COL18A1: variants seen among roughly 807,000 people sequenced by gnomAD.
COL18A1 encodes collagen alpha-1(XVIII) chain.
In COL18A1, 133 loss-of-function variants were observed where a neutral mutation model predicts 168.0. The observed-to-expected ratio is 0.79, with a 90% CI of 0.69 to 0.91. The LOEUF is 0.91. Ranked by LOEUF, COL18A1 falls within the 40% of genes least tolerant of loss-of-function variation. COL18A1 has a pLI of 0.00. For missense variants in COL18A1, 2,126 were observed against 1,925.4 expected (o/e 1.10, Z -1.95); for synonymous variants, 949 against 809.0 (o/e 1.17, Z -2.94).
At chr21:45,430,861 A>G (rs1324926769) in intron 2 of COL18A1, among the ~76,000 whole-genome samples, 1 of 152,202 alleles carries the variant, frequency 6.6e-6, no homozygotes, top group African/African-American at 2.4e-5. Flanking sequence ...TGGTCACCCC[A>G]TGAGGCAGGG....
At position 45,478,344 on chromosome 21, in the gene COL18A1, C is replaced by G; in HGVS notation, c.1239C>G (p.Asp413Glu). 6.2e-7 allele frequency: 1 copy of G among 1,614,152 alleles called. No homozygotes were observed. The change falls in exon 9 of 42, where the codon GAC becomes GAG. Residue 413 changes from aspartate to glutamate, a missense_variant. Coordinates refer to ENST00000651438, the MANE Select transcript of COL18A1 (RefSeq NM_001379500.1). ...ACACCCAGGGCGACCCCGGTGAAGACGGAAAGCCGGTGAGTCTGCTTTTCT... is the reference window on the plus strand; with the variant it reads ...ACACCCAGGGCGACCCCGGTGAAGAGGGAAAGCCGGTGAGTCTGCTTTTCT... ...RDGEPGDPGEDGKPGDTGPQG... is the reference protein window; with the variant it reads ...RDGEPGDPGEEGKPGDTGPQG...
chr21:45,453,645 G>A (rs1268628640), intron 2 of COL18A1, among the ~76,000 whole-genome samples: 8 of 152,276 alleles, frequency 5.3e-5, no homozygotes, highest in East Asian at 1.9e-4. Flanking sequence ...ACTTAGAGGT[G>A]GAGGAGTCCT....
At chr21:45,511,070 C>T in intron 40 of COL18A1, 41 bp from the exon 41 acceptor site, 2 of 928,122 alleles carry the variant, frequency 2.2e-6, no homozygotes, top group Middle Eastern at 4.3e-4. Flanking sequence ...CCATCCACAC[C>T]CCCACACACC....
At chr21:45,449,658 T>C (rs2034579204) in intron 2 of COL18A1, among the ~76,000 whole-genome samples, 1 of 152,148 alleles carries the variant, frequency 6.6e-6, no homozygotes, top group African/African-American at 2.4e-5. Context: ...CTCCCTCTGC[T>C]ACCGTAGGTC....
In COL18A1 at chr21:45,405,238, C is replaced by T; in HGVS notation, c.8C>T (p.Pro3Leu). 9.2e-6 allele frequency: 1 copy of T among 108,484 alleles called. No homozygotes were observed. The highest frequency in any genetic ancestry group is 1.4e-5 in the Non-Finnish European group (1 of 69,028). 6.7% of individuals were successfully genotyped at this position (108,484 alleles called of 1,614,324 possible). A position where few individuals can be genotyped will look rare whatever the true frequency, so the allele number is the denominator to read the frequency against. ...GACGGTCCTGGGGAGAGCATGGCGC[C>T]GAGGTGAGGCCGGGGCTGCGGGCAG... MA[P>L]RCPWPWPRRR... Residue 3 changes from proline (P) to leucine (L), a missense_variant, in exon 1 of 42, where the codon CCG becomes CTG. Pro to Leu is a moderately conservative substitution (Grantham distance 98). Coordinates refer to ENST00000651438, the MANE Select transcript of COL18A1 (RefSeq NM_001379500.1).
chr21:45,475,832 GC>G (rs1204524176), intron 5 of COL18A1, among the ~76,000 whole-genome samples: 1 of 152,232 alleles, frequency 6.6e-6, no homozygotes, highest in Non-Finnish European at 1.5e-5. Context: ...CCTTCCCTTC[GC>G]CCCATCCCTC....
chr21:45,505,301 C>A, intron 35 of COL18A1, 23 bp downstream of exon 35: 1 of 1,605,386 alleles, frequency 6.2e-7, no homozygotes, highest in Non-Finnish European at 8.5e-7. Flanking sequence ...GGAGTGGGCC[C>A]CGGGCAGAGG....
intron 6 of COL18A1, among the ~76,000 whole-genome samples, chr21:45,476,920 T>TG (rs1568903164): frequency 1.3e-4 from 17 of 129,544 alleles, no homozygotes; most frequent in African/African-American, 4.2e-4. Context: ...TATTATGTGT[T>TG]TTGTGTGTGT....
At chr21:45,500,177 T>G (rs2036696202) in intron 32 of COL18A1, among the ~76,000 whole-genome samples, 1 of 51,546 alleles carries the variant, frequency 1.9e-5, no homozygotes, top group African/African-American at 1.0e-4. Context: ...TGTGGGGGTG[T>G]ATAGTGTGGG....
chr21:45,446,900 C>T (rs2034514978), intron 2 of COL18A1, among the ~76,000 whole-genome samples: 1 of 152,014 alleles, frequency 6.6e-6, no homozygotes, highest in Non-Finnish European at 1.5e-5. Context: ...TTAAAAACAC[C>T]CAATCATCTC....
intron 2 of COL18A1, chr21:45,456,951 C>T (rs1333540496): frequency 1.3e-5 from 16 of 1,242,398 alleles, no homozygotes; most frequent in East Asian, 8.7e-5. Flanking sequence ...GCGGGGCTGA[C>T]GTGAGCCTGG....
At chr21:45,475,207 G>T (rs1461916107) in intron 4 of COL18A1, among the ~76,000 whole-genome samples, 1 of 152,218 alleles carries the variant, frequency 6.6e-6, no homozygotes, top group Admixed American at 6.5e-5. Flanking sequence ...TCCCGCCTCC[G>T]CATGTCTGAC....
In COL18A1 at chr21:45,471,816, C is replaced by G. The variant is rs2035438965; in HGVS notation, c.652-2079C>G. ...CGTGTCGGGAAGCATTTTACATGCT[C>G]TTCCCTCACAGAATTCCTGTGAGCT... On this transcript the variant is annotated intron_variant, in intron 3 of 41. Coordinates refer to ENST00000651438, the MANE Select transcript of COL18A1 (RefSeq NM_001379500.1). The surrounding 1 kb of genome is among the most constrained non-coding windows in gnomAD (Gnocchi z 4.4). Among the ~76,000 whole-genome samples, 1 of 152,180 alleles carries G rather than the reference C, an allele frequency of 6.6e-6. No homozygotes were observed. Among genetic ancestry groups the G allele is most frequent in the South Asian group, 2.1e-4 (1 of 4,828 alleles).
Position 45,498,472 on chromosome 21 carries a change from C to T in COL18A1, c.2683+811C>T, listed in dbSNP as rs138998078. On this transcript the variant is annotated intron_variant, in intron 32 of 41. Coordinates refer to ENST00000651438, the MANE Select transcript of COL18A1 (RefSeq NM_001379500.1). This position sits in a 1 kb window ranked among gnomAD's most constrained non-coding sequence, Gnocchi z 4.5. ...GGTCCCCTCTCGCCGCCACGGTCCCCGCTCGCCGCCAGGGTCCCCTCTCGC... is the reference window on the plus strand; with the variant it reads ...GGTCCCCTCTCGCCGCCACGGTCCCTGCTCGCCGCCAGGGTCCCCTCTCGC... 1,935 of 706,496 alleles carry T rather than the reference C, an allele frequency of 2.7e-3. 25 individuals are homozygous for T. In the African/African-American group the frequency reaches 0.03, roughly 11 times the overall value. 43.8% of individuals were successfully genotyped at this position (706,496 alleles called of 1,614,324 possible).
chr21:45,488,597 G>A (rs1483808239), intron 18 of COL18A1, among the ~76,000 whole-genome samples, 153 bp downstream of exon 18: 1 of 152,120 alleles, frequency 6.6e-6, no homozygotes, highest in Non-Finnish European at 1.5e-5. Context: ...CAGCAAAAAA[G>A]CCTGACAGGG....
rs546271526 is a variant in COL18A1, at chr21:45,491,273, C to T, written c.2116C>T (p.Pro706Ser). The part of the protein sequence containing the change: ...GVGQPGLPGP[P>S]GPPGPVVYVS... ...CGGGCAGCCGGGCCTCCCTGGCCCC[C>T]CCGGACCCCCGGGACCTGTGGTCTA... The change falls in exon 22 of 42, where the codon CCC (proline) becomes TCC (serine). Residue 706 changes from proline (P) to serine (S), a missense_variant. By Grantham distance (74) the Pro-to-Ser change is moderately conservative (BLOSUM62 -1). Coordinates refer to ENST00000651438, the MANE Select transcript of COL18A1 (RefSeq NM_001379500.1). 33 of 1,612,228 alleles carry T rather than the reference C, an allele frequency of 2.0e-5. No homozygotes were observed. The highest frequency in any genetic ancestry group is 4.0e-5 in the African/African-American group (3 of 74,918).
chr21:45,500,033 G>A (rs576798012), intron 32 of COL18A1, among the ~76,000 whole-genome samples: 2 of 152,150 alleles, frequency 1.3e-5, no homozygotes, highest in African/African-American at 4.8e-5. Context: ...CCGAACGTGA[G>A]GGCTGGAGAG....
intron 22 of COL18A1, among the ~76,000 whole-genome samples, chr21:45,491,686 T>C (rs1019908570): frequency 6.6e-6 from 1 of 152,062 alleles, no homozygotes; most frequent in Non-Finnish European, 1.5e-5. Context: ...CTGGTGAAGG[T>C]TGTGTTGGTT....
At chr21:45,470,246 T>C (rs1164538628) in intron 3 of COL18A1, among the ~76,000 whole-genome samples, 1 of 152,240 alleles carries the variant, frequency 6.6e-6, no homozygotes, top group Non-Finnish European at 1.5e-5. Context: ...ATTTTGTCAC[T>C]TGTTTATTGT....
Sources: allele counts gnomAD v4.1 joint callset (sites outside exome capture counted in the v4.1 genomes callset), GRCh38; gene constraint gnomAD v4.1.1; non-coding constraint Gnocchi (gnomAD v3.1); transcripts MANE v1.5; gene names NCBI Gene and HGNC (gene_info 2026-07-23, HGNC 2026-07-21).